CERS6: variants seen among roughly 807,000 people sequenced by gnomAD.
CERS6 encodes the protein ceramide synthase 6.
Under a neutral mutation model 56.8 loss-of-function variants are expected in CERS6, and 26 were observed. The ratio of observed to expected loss-of-function variants is 0.46; its 90% CI spans 0.34 to 0.63. The LOEUF is 0.63. Among genes scored for constraint, CERS6 ranks in the 30% least tolerant of loss-of-function variants. The pLI is 0.01. For synonymous variants in CERS6, 164 were observed against 173.3 expected (o/e 0.95, Z 0.42); for missense variants, 415 against 467.5 (o/e 0.89, Z 1.04).
At chr2:168,514,673 A>G (rs1694855118) in intron 1 of CERS6, among the ~76,000 whole-genome samples, 1 of 152,218 alleles carries the variant, frequency 6.6e-6, no homozygotes, top group Non-Finnish European at 1.5e-5. Flanking sequence ...CTTGGGTTAG[A>G]CATACTTCTT....
Position 168,733,840 on chromosome 2 carries a change from C to T in CERS6, c.845+15862C>T, listed in dbSNP as rs571225760. On this transcript the variant is annotated intron_variant, in intron 8 of 9. Coordinates refer to ENST00000305747, the MANE Select transcript of CERS6 (RefSeq NM_203463.3). ...GATAGTGATCACTTCCCATGCGTAACGTGGCTTATCGTCAGGAAAGTTTCT... is the reference window on the plus strand; with the variant it reads ...GATAGTGATCACTTCCCATGCGTAATGTGGCTTATCGTCAGGAAAGTTTCT... 4.6e-5 allele frequency among the ~76,000 whole-genome samples: 7 copies of T among 152,192 alleles called. No homozygotes were observed. The South Asian group carries it at 1.2e-3, about 27-fold the overall frequency.
chr2:168,687,921 C>A (rs1686397299), intron 4 of CERS6, among the ~76,000 whole-genome samples: 1 of 152,148 alleles, frequency 6.6e-6, no homozygotes, highest in African/African-American at 2.4e-5. Context: ...CCAGGCCGGT[C>A]TTGAGCTCCT....
At chr2:168,732,822 C>T (rs577696395) in intron 8 of CERS6, among the ~76,000 whole-genome samples, 1 of 152,338 alleles carries the variant, frequency 6.6e-6, no homozygotes, top group South Asian at 2.1e-4. Context: ...AAAATAACTA[C>T]ATACACAAGT....
At chr2:168,579,616 C>G (rs538591373) in intron 3 of CERS6, among the ~76,000 whole-genome samples, 1 of 152,136 alleles carries the variant, frequency 6.6e-6, no homozygotes, top group Non-Finnish European at 1.5e-5. Flanking sequence ...ACCCTTTCTC[C>G]TCTGAGATTT....
chr2:168,640,245 T>G (rs1475372021), intron 4 of CERS6, among the ~76,000 whole-genome samples: 2 of 152,220 alleles, frequency 1.3e-5, no homozygotes, highest in Admixed American at 1.3e-4. Flanking sequence ...ACCGTGTACT[T>G]TACCTTAACA....
chr2:168,592,715 C>A (rs1683704729), intron 3 of CERS6, among the ~76,000 whole-genome samples: 1 of 152,058 alleles, frequency 6.6e-6, no homozygotes, highest in East Asian at 1.9e-4. Flanking sequence ...TGTTACGCTG[C>A]TGTGAGTTGG....
intron 1 of CERS6, among the ~76,000 whole-genome samples, chr2:168,510,167 T>A (rs1298530798): frequency 6.6e-6 from 1 of 152,066 alleles, no homozygotes; most frequent in Non-Finnish European, 1.5e-5. Flanking sequence ...ATCCCATGTA[T>A]TTAAAAAAAA....
intron 1 of CERS6, among the ~76,000 whole-genome samples, chr2:168,544,639 C>T (rs562986862): frequency 1.1e-3 from 170 of 152,118 alleles, no homozygotes; most frequent in Non-Finnish European, 2.0e-3. Flanking sequence ...GCTTAGACCC[C>T]GATCACACTG....
At chr2:168,761,835 A>G (rs1398671951) in intron 8 of CERS6, among the ~76,000 whole-genome samples, 1 of 152,214 alleles carries the variant, frequency 6.6e-6, no homozygotes, top group East Asian at 1.9e-4. Flanking sequence ...AGGCAGGAAT[A>G]TAGGCATTAT....
At chr2:168,578,385 A>T (rs1288823151) in intron 3 of CERS6, among the ~76,000 whole-genome samples, 1 of 152,088 alleles carries the variant, frequency 6.6e-6, no homozygotes, top group Non-Finnish European at 1.5e-5. Context: ...TAAGCTGCTG[A>T]GGTAGTAAAT....
chr2:168,636,638 T>C (rs1300087675), intron 4 of CERS6, among the ~76,000 whole-genome samples: 5 of 152,198 alleles, frequency 3.3e-5, no homozygotes, highest in Non-Finnish European at 5.9e-5. Context: ...CTTCGATGCT[T>C]ACAAATAGGT....
At chr2:168,524,789 G>T (rs1695042080) in intron 1 of CERS6, among the ~76,000 whole-genome samples, 2 of 151,388 alleles carry the variant, frequency 1.3e-5, no homozygotes, top group African/African-American at 4.9e-5. Flanking sequence ...TCTTTAAAAA[G>T]GATTTATTTC....
chr2:168,553,894 A>C (rs1695628837), intron 2 of CERS6, among the ~76,000 whole-genome samples: 1 of 152,222 alleles, frequency 6.6e-6, no homozygotes, highest in Non-Finnish European at 1.5e-5. Flanking sequence ...CACTGATTGC[A>C]TGATCTCTAA....
chr2:168,752,672 C>T (rs928910445), intron 8 of CERS6, among the ~76,000 whole-genome samples: 1 of 152,176 alleles, frequency 6.6e-6, no homozygotes, highest in Non-Finnish European at 1.5e-5. Context: ...ATCTCCGTAG[C>T]CATTACTATC....
At chr2:168,746,811 A>G (rs996422274) in intron 8 of CERS6, among the ~76,000 whole-genome samples, 15 of 117,808 alleles carry the variant, frequency 1.3e-4, no homozygotes, top group Non-Finnish European at 2.1e-4. Flanking sequence ...ATATATATAT[A>G]TATATATATA....
In CERS6 at chr2:168,772,158, T is replaced by C. The variant is rs986145697; in HGVS notation, c.*2496T>C. ...ACCAGGCCATAGCTTTGAAGTGTAT[T>C]TTGTAAATTCAACTATAGGTTAGTC... On this transcript the variant is annotated 3_prime_UTR_variant, in exon 10 of 10. Transcript: ENST00000305747. The C allele has an allele frequency of 6.6e-6, 1 of 152,210 alleles. No individual in the cohort carries two copies. The highest frequency in any genetic ancestry group is 1.5e-5 in the Non-Finnish European group (1 of 68,044). 9.4% of individuals were successfully genotyped at this position (152,210 alleles called of 1,614,324 possible).
chr2:168,765,461 T>G (rs911361969), intron 8 of CERS6, 131 bp from the exon 9 acceptor site: 1 of 850,466 alleles, frequency 1.2e-6, no homozygotes, highest in Non-Finnish European at 1.7e-6. Context: ...CTGGCAAGCT[T>G]TCACACCATC....
intron 8 of CERS6, among the ~76,000 whole-genome samples, chr2:168,751,774 A>G (rs1684274372): frequency 6.6e-6 from 1 of 152,142 alleles, no homozygotes; most frequent in Non-Finnish European, 1.5e-5. Flanking sequence ...TCTTCCCAGC[A>G]AGAAAGACCT....
At chr2:168,646,301 GC>G (rs1293687693) in intron 4 of CERS6, among the ~76,000 whole-genome samples, 11 of 152,054 alleles carry the variant, frequency 7.2e-5, no homozygotes, top group African/African-American at 2.4e-4. Flanking sequence ...GCAATATTGA[GC>G]TTTTTTTTTC....
Sources: gnomAD v4.1 joint callset for allele counts (sites outside exome capture counted in the v4.1 genomes callset) on GRCh38, gnomAD v4.1.1 for gene constraint, MANE v1.5 for transcripts, NCBI Gene and HGNC (gene_info 2026-07-23, HGNC 2026-07-21) for gene names.